MSANTD2: variants seen among roughly 807,000 people sequenced by gnomAD.
MSANTD2 encodes the protein Myb/SANT DNA binding domain containing 2.
Under a neutral mutation model 52.6 loss-of-function variants are expected in MSANTD2, and 19 were observed. The observed-to-expected ratio is 0.36, with a 90% CI of 0.25 to 0.53. MSANTD2 has a LOEUF of 0.53. Among genes scored for constraint, MSANTD2 ranks in the 20% least tolerant of loss-of-function variants. The pLI, the probability that MSANTD2 is intolerant of heterozygous loss-of-function variation, is 0.91. For synonymous variants in MSANTD2, 291 were observed against 289.7 expected, an observed-to-expected ratio of 1.00 and a Z score of -0.04; for missense variants, 558 against 716.3, an observed-to-expected ratio of 0.78 and a Z score of 2.52.
chr11:124,771,588 G>A (rs1049926200), intron 3 of MSANTD2, among the ~76,000 whole-genome samples: 2 of 152,124 alleles, frequency 1.3e-5, no homozygotes, highest in African/African-American at 4.8e-5. Flanking sequence ...TGGCCAACAC[G>A]GCAAAACCCC....
intron 1 of MSANTD2, among the ~76,000 whole-genome samples, chr11:124,788,413 T>C (rs1446180451): frequency 6.6e-6 from 1 of 152,228 alleles, no homozygotes; most frequent in African/African-American, 2.4e-5. Flanking sequence ...TACTGTTTCT[T>C]GAAAAATAAC....
At chr11:124,769,913 G>C (rs991633117) in intron 3 of MSANTD2, among the ~76,000 whole-genome samples, 3 of 152,252 alleles carry the variant, frequency 2.0e-5, no homozygotes, top group Admixed American at 6.5e-5. Flanking sequence ...ACCTGGAGGA[G>C]AGGCAGCACA....
chr11:124,799,402 GCT>G (rs1945604287), intron 1 of MSANTD2, among the ~76,000 whole-genome samples: 1 of 152,176 alleles, frequency 6.6e-6, no homozygotes, highest in African/African-American at 2.4e-5. Flanking sequence ...TTTTTCTATG[GCT>G]CCGCTACGGC....
Position 124,791,265 on chromosome 11 carries a change from CT to C in MSANTD2, c.510+8605del, listed in dbSNP as rs928425303. 2.8e-5 allele frequency: 41 copies of C among 1,453,676 alleles called. No individual in the cohort carries two copies. In the African/African-American group the frequency reaches 5.7e-4, roughly 20 times the overall value. 90.0% of individuals were successfully genotyped at this position (1,453,676 alleles called of 1,614,324 possible). ...TCACAACAAGCAAACCTGGAGTATC[CT>C]TGGTCTACTCCATGCCCTCCTAGAA... On this transcript the variant is annotated intron_variant, in intron 1 of 3. Transcript: ENST00000374979.
chr11:124,777,214 G>A (rs1247834347), intron 1 of MSANTD2, among the ~76,000 whole-genome samples: 1 of 152,180 alleles, frequency 6.6e-6, no homozygotes, highest in Non-Finnish European at 1.5e-5. Context: ...CGTAAATGGA[G>A]AGTCCCAACC....
Position 124,774,989 on chromosome 11 carries a change from C to G in MSANTD2, c.511-15G>C. The G allele has an allele frequency of 6.5e-7, 1 of 1,535,950 alleles. No homozygotes were observed. Among genetic ancestry groups the G allele is most frequent in the South Asian group, 1.2e-5 (1 of 84,178 alleles). ...CTGCGAAGGGTCTAAGACACAAAGT[C>G]TTTTGTTATTCCTTTAAAGCTGTAC... On this transcript the variant is annotated splice_polypyrimidine_tract_variant and intron_variant, in intron 1 of 3. Transcript: ENST00000374979. The surrounding 1 kb of genome is among the most constrained non-coding windows in gnomAD (Gnocchi z 5.1).
In MSANTD2 at chr11:124,799,897, G is replaced by A; in HGVS notation, c.484C>T (p.Pro162Ser). Residue 162 changes from proline to serine, a missense_variant, in exon 1 of 4, where the codon CCG becomes TCG. Pro to Ser is a moderately conservative substitution (Grantham distance 74). This residue lies in a region of MSANTD2 where 408 missense variants were observed against 573.6 expected (regional missense o/e 0.71). Coordinates refer to ENST00000374979, the MANE Select transcript of MSANTD2 (RefSeq NM_001308027.2). ...TTGATGCGCTCCCGGCACTGGGACG[G>A]GGTCCGCTCGTAGCCCAGCTCGGCC... ...ALAELGYERT[P>S]SQCRERIKTL... The A allele has an allele frequency of 1.3e-6, 2 of 1,584,206 alleles. No individual in the cohort carries two copies. Among genetic ancestry groups the A allele is most frequent in the Non-Finnish European group, 1.7e-6 (2 of 1,173,522 alleles).
At chr11:124,793,345 T>C (rs544291387) in intron 1 of MSANTD2, among the ~76,000 whole-genome samples, 17 of 152,344 alleles carry the variant, frequency 1.1e-4, no homozygotes, top group South Asian at 4.1e-4. Context: ...ATTCATCTCA[T>C]ACCAGACTTA....
chr11:124,799,303 T>A (rs1945599619), intron 1 of MSANTD2, among the ~76,000 whole-genome samples: 1 of 152,242 alleles, frequency 6.6e-6, no homozygotes, highest in African/African-American at 2.4e-5. Context: ...GCCTTTCCAA[T>A]TCTCCAAAGC....
rs546960183 is a variant in MSANTD2 at position 124,794,593 on chromosome 11, C to T, written c.510+5278G>A. ...ATAGAAGAAATGTCTTGTCTGCAAA[C>T]GCCAAAGAGAAGTCCTCAGAGATGG... On this transcript the variant is annotated intron_variant, in intron 1 of 3. Transcript: ENST00000374979. 5.9e-5 allele frequency among the ~76,000 whole-genome samples: 9 copies of T among 152,284 alleles called. No homozygotes were observed. In the South Asian group the frequency reaches 6.2e-4, roughly 11 times the overall value.
intron 1 of MSANTD2, among the ~76,000 whole-genome samples, chr11:124,787,826 T>C (rs1036346363): frequency 6.6e-6 from 1 of 152,116 alleles, no homozygotes; most frequent in Non-Finnish European, 1.5e-5. Context: ...CAATTAGTGC[T>C]GGGGGTGGTG....
At chr11:124,782,562 G>T (rs548065484) in intron 1 of MSANTD2, among the ~76,000 whole-genome samples, 7 of 152,192 alleles carry the variant, frequency 4.6e-5, no homozygotes, top group Non-Finnish European at 1.0e-4. Flanking sequence ...AAGGCCCAAA[G>T]ATAAGTATTC....
Position 124,791,442 on chromosome 11 carries a change from G to T in MSANTD2, c.510+8429C>A, listed in dbSNP as rs184192573. On this transcript the variant is annotated intron_variant, in intron 1 of 3. Transcript: ENST00000374979. ...GGGTGAGTGAGAAGCACAGACTTCC[G>T]GACCCCTCCCCACCTGCACTGGGAG... 6.1e-5 allele frequency: 78 copies of T among 1,270,420 alleles called. No homozygotes were observed. The Admixed American group carries it at 8.4e-4, about 14-fold the overall frequency. The allele number at this position is 1,270,420 out of a possible 1,614,324, so 78.7% of individuals were successfully genotyped here.
chr11:124,788,776 T>C (rs1945246585), intron 1 of MSANTD2, among the ~76,000 whole-genome samples: 2 of 152,144 alleles, frequency 1.3e-5, no homozygotes, highest in Non-Finnish European at 1.5e-5. Context: ...CAACTGGATA[T>C]ACACAAGACA....
intron 1 of MSANTD2, chr11:124,783,852 C>T (rs1945069299): frequency 1.0e-6 from 1 of 985,134 alleles, no homozygotes; most frequent in Non-Finnish European, 1.2e-6. Context: ...ATTCATGTAA[C>T]CATAAAGCTT....
chr11:124,787,278 A>AAAG (rs1945190911), intron 1 of MSANTD2, among the ~76,000 whole-genome samples: 1 of 152,242 alleles, frequency 6.6e-6, no homozygotes. Flanking sequence ...AACATACTCA[A>AAAG]AAGAACCCTT....
At position 124,768,038 on chromosome 11, in the gene MSANTD2, CAAAT is replaced by C; in HGVS notation, c.828-14_828-11del. 6.3e-7 allele frequency: 1 copy of C among 1,588,392 alleles called. No individual in the cohort carries two copies. The highest frequency in any genetic ancestry group is 8.6e-7 in the Non-Finnish European group (1 of 1,165,008). ...CATGATGTCTCTCTTCCTGGAAAGA[CAAAT>C]AAAAGTCAAATTCCCTAAGTATCTA... On this transcript the variant is annotated splice_polypyrimidine_tract_variant and intron_variant, in intron 3 of 3. Transcript: ENST00000374979.
At chr11:124,778,896 G>A (rs999682320) in intron 1 of MSANTD2, among the ~76,000 whole-genome samples, 3 of 152,146 alleles carry the variant, frequency 2.0e-5, no homozygotes, top group African/African-American at 7.2e-5. Flanking sequence ...AACAAAGGCA[G>A]GAGTTTTAGA....
At position 124,767,938 on chromosome 11, in the gene MSANTD2, C is replaced by G; in HGVS notation, c.918G>C (p.Arg306Ser). 1 of 1,614,164 alleles carries G rather than the reference C, an allele frequency of 6.2e-7. No individual in the cohort carries two copies. The highest frequency in any genetic ancestry group is 8.5e-7 in the Non-Finnish European group (1 of 1,180,024). Residue 306 changes from arginine to serine, a missense_variant, in exon 4 of 4, where the codon AGG becomes AGC. This residue lies in a region of MSANTD2 where 408 missense variants were observed against 573.6 expected (regional missense o/e 0.71). Transcript: ENST00000374979. This position sits in a 1 kb window ranked among gnomAD's most constrained non-coding sequence, Gnocchi z 6.5. ...ELFQSWTDFSRLHLSNKLAIF... is the reference protein window; with the variant it reads ...ELFQSWTDFSSLHLSNKLAIF... Reference sequence around the variant, plus strand: ...TGGCCAGTTTATTAGAAAGATGGAGCCTTGAAAAGTCTGTCCAGCTCTGAA... The same window carrying G: ...TGGCCAGTTTATTAGAAAGATGGAGGCTTGAAAAGTCTGTCCAGCTCTGAA...
Sources: allele counts gnomAD v4.1 joint callset (sites outside exome capture counted in the v4.1 genomes callset), GRCh38; gene constraint gnomAD v4.1.1; regional missense constraint gnomAD v4.1.1; non-coding constraint Gnocchi (gnomAD v3.1); transcripts MANE v1.5; gene names NCBI Gene and HGNC (gene_info 2026-07-23, HGNC 2026-07-21).